Variants in ABCC4 observed in about 807,000 individuals in gnomAD.
ABCC4 encodes the protein ATP binding cassette subfamily C member 4 (PEL blood group), also known as ATP-binding cassette sub-family C member 4.
In ABCC4, 102 loss-of-function variants were observed where a neutral mutation model predicts 168.5. The ratio of observed to expected loss-of-function variants is 0.61; its 90% CI spans 0.52 to 0.71. The LOEUF (loss-of-function observed/expected upper bound fraction) is 0.71. ABCC4 is among the 30% of genes least tolerant of loss of function. The pLI is 0.00. For missense variants in ABCC4, 1,402 were observed against 1,605.8 expected (o/e 0.87, Z 2.17); for synonymous variants, 617 against 590.7 (o/e 1.04, Z -0.65).
rs372827339 is a variant in ABCC4, at chr13:95,113,755, C to T, written c.2535+2167G>A. On this transcript the variant is annotated intron_variant, in intron 20 of 30. Coordinates refer to ENST00000645237, the MANE Select transcript of ABCC4 (RefSeq NM_005845.5). ...AGCCCACTCATCGAATGCAAATCCC[C>T]GGGAGAAAGGCTCGGCACACAAAGT... 2.2e-4 allele frequency among the ~76,000 whole-genome samples: 33 copies of T among 152,154 alleles called. No homozygotes were observed. In the East Asian group the frequency reaches 4.8e-3, roughly 22 times the overall value.
intron 30 of ABCC4, among the ~76,000 whole-genome samples, chr13:95,023,175 CA>C (rs1415960526): frequency 6.6e-6 from 1 of 152,162 alleles, no homozygotes; most frequent in Non-Finnish European, 1.5e-5. Context: ...TAGCCTTCCC[CA>C]AATAGGCTGC....
intron 19 of ABCC4, among the ~76,000 whole-genome samples, chr13:95,138,226 A>G (rs181527083): frequency 4.6e-5 from 7 of 152,326 alleles, no homozygotes; most frequent in African/African-American, 1.7e-4. Flanking sequence ...ATTGGTCATT[A>G]TTTATAAGAA....
intron 1 of ABCC4, among the ~76,000 whole-genome samples, chr13:95,257,326 G>A (rs906359354): frequency 2.6e-5 from 4 of 152,210 alleles, no homozygotes; most frequent in African/African-American, 4.8e-5. Flanking sequence ...AAGAGGAAGA[G>A]GAAGATGAGG....
intron 1 of ABCC4, among the ~76,000 whole-genome samples, chr13:95,250,596 C>T (rs1650927041): frequency 6.6e-6 from 1 of 152,024 alleles, no homozygotes; most frequent in African/African-American, 2.4e-5. Flanking sequence ...AATACAGAGA[C>T]ATTCTCCACC....
intron 19 of ABCC4, among the ~76,000 whole-genome samples, chr13:95,151,551 GAGGAGGAGGAGAAGGAGAAGA>G (rs1464414377): frequency 8.1e-5 from 12 of 147,614 alleles, no homozygotes; most frequent in Non-Finnish European, 1.0e-4. Context: ...AAGGAAGGAG[GAGGAGGAGGAGAAGGAGAAGA>G]AGGAGGAGGA....
At chr13:95,037,361 G>C (rs1369775830) in intron 29 of ABCC4, among the ~76,000 whole-genome samples, 1 of 152,180 alleles carries the variant, frequency 6.6e-6, no homozygotes, top group Non-Finnish European at 1.5e-5. Context: ...AAATAGAATG[G>C]ATAAGGTAAT....
chr13:95,083,072 C>A, intron 21 of ABCC4, 68 bp downstream of exon 21: 1 of 1,534,088 alleles, frequency 6.5e-7, no homozygotes, highest in Non-Finnish European at 8.8e-7. Context: ...TTCAGGGGGT[C>A]TCTGTAATTT....
At chr13:95,043,825 G>T in intron 28 of ABCC4, 38 bp from the exon 29 acceptor site, 1 of 1,454,326 alleles carries the variant, frequency 6.9e-7, no homozygotes. Context: ...TCGTAAAGAT[G>T]CAAAAAGTAG....
intron 30 of ABCC4, among the ~76,000 whole-genome samples, chr13:95,023,307 A>G (rs1260963014): frequency 6.6e-6 from 1 of 152,180 alleles, no homozygotes; most frequent in Non-Finnish European, 1.5e-5. Context: ...GTCAAAAACA[A>G]ACTTCCTGTG....
rs2033215108 is a variant in ABCC4 at position 95,059,736 on chromosome 13, TAATGAGC to T, written c.3366+2961_3366+2967del. ...GGATCACAAAAATAGAAACAGAAGTTAATGAGCCAAGTCCTTCTAGAATAGCGAGTAG... is the reference window on the plus strand; with the variant it reads ...GGATCACAAAAATAGAAACAGAAGTTCAAGTCCTTCTAGAATAGCGAGTAG... On this transcript the variant is annotated intron_variant, in intron 26 of 30. Coordinates refer to ENST00000645237, the MANE Select transcript of ABCC4 (RefSeq NM_005845.5). Among the ~76,000 whole-genome samples, 5 of 152,274 alleles carry T rather than the reference TAATGAGC, an allele frequency of 3.3e-5. 1 individual carries two copies. The highest frequency in any genetic ancestry group is 1.2e-4 in the African/African-American group (5 of 41,542).
At chr13:95,255,351 G>T (rs1300040755) in intron 1 of ABCC4, among the ~76,000 whole-genome samples, 1 of 152,184 alleles carries the variant, frequency 6.6e-6, no homozygotes, top group East Asian at 1.9e-4. Flanking sequence ...TCCAAGGGGA[G>T]CCCGACACAC....
Position 95,109,930 on chromosome 13 carries a change from T to C in ABCC4, c.2535+5992A>G, listed in dbSNP as rs371269219. 2.0e-5 allele frequency among the ~76,000 whole-genome samples: 3 copies of C among 152,230 alleles called. No individual in the cohort carries two copies. The East Asian group carries it at 5.8e-4, about 29-fold the overall frequency. On this transcript the variant is annotated intron_variant, in intron 20 of 30. Transcript: ENST00000645237. ...GGATGAAGATAAAGCCTCTATCTTT[T>C]CCACCTCTGCATACTCAGCATATAG...
At chr13:95,147,690 C>A (rs2139499293) in intron 19 of ABCC4, among the ~76,000 whole-genome samples, 1 of 152,272 alleles carries the variant, frequency 6.6e-6, no homozygotes, top group Admixed American at 6.5e-5. Flanking sequence ...ATGTAAGTTT[C>A]TCCTACTCCT....
chr13:95,271,515 T>C (rs996830286), intron 1 of ABCC4, among the ~76,000 whole-genome samples: 4 of 152,136 alleles, frequency 2.6e-5, no homozygotes, highest in African/African-American at 4.8e-5. Flanking sequence ...GATTAACAGA[T>C]TATTACTCTA....
At chr13:95,215,594 G>A (rs1247738228) in intron 4 of ABCC4, among the ~76,000 whole-genome samples, 2 of 151,986 alleles carry the variant, frequency 1.3e-5, no homozygotes, top group East Asian at 3.9e-4. Context: ...CTTATGTTGG[G>A]CCGTCAGTAA....
At chr13:95,057,591 T>A (rs928545493) in intron 26 of ABCC4, among the ~76,000 whole-genome samples, 1 of 152,222 alleles carries the variant, frequency 6.6e-6, no homozygotes, top group Admixed American at 6.5e-5. Context: ...ATGTATGTCA[T>A]CATTTCTGTG....
chr13:95,047,347 T>C (rs939378398), intron 27 of ABCC4, among the ~76,000 whole-genome samples: 1 of 152,174 alleles, frequency 6.6e-6, no homozygotes, highest in Non-Finnish European at 1.5e-5. Context: ...CCTAAAATTG[T>C]TGGAGTATAA....
At chr13:95,202,393 C>T (rs375677508) in intron 8 of ABCC4, among the ~76,000 whole-genome samples, 10 of 152,166 alleles carry the variant, frequency 6.6e-5, no homozygotes, top group African/African-American at 2.2e-4. Context: ...CTGGAGAACT[C>T]TGACTAATAC....
chr13:95,210,831 G>A (rs2038934014), intron 4 of ABCC4, 50 bp from the exon 5 acceptor site: 1 of 1,426,588 alleles, frequency 7.0e-7, no homozygotes, highest in Admixed American at 1.7e-5. Context: ...GTGATACTAA[G>A]TCAGGCTTAG....
Sources: gnomAD v4.1 joint callset for allele counts (sites outside exome capture counted in the v4.1 genomes callset) on GRCh38, gnomAD v4.1.1 for gene constraint, MANE v1.5 for transcripts, NCBI Gene and HGNC (gene_info 2026-07-23, HGNC 2026-07-21) for gene names.